SLC46A1: variants seen among roughly 807,000 people sequenced by gnomAD.
The protein encoded by SLC46A1 is solute carrier family 46 member 1.
In SLC46A1, 17 loss-of-function variants were observed where a neutral mutation model predicts 32.1. That is an observed-to-expected ratio of 0.53 (90% CI 0.36 to 0.79). The LOEUF (loss-of-function observed/expected upper bound fraction) is 0.79. Among genes scored for constraint, SLC46A1 ranks in the 30% least tolerant of loss-of-function variants. The pLI is 0.00. For missense variants in SLC46A1, 517 were observed against 588.2 expected, an observed-to-expected ratio of 0.88 and a Z score of 1.25; for synonymous variants, 240 against 262.7, an observed-to-expected ratio of 0.91 and a Z score of 0.84.
upstream of SLC46A1, chr17:28,406,360 A>G (rs1318512952): frequency 1.5e-5 from 6 of 402,770 alleles, no homozygotes; most frequent in Non-Finnish European, 2.6e-5. This position sits in a 1 kb window ranked among gnomAD's most constrained non-coding sequence, Gnocchi z 4.5. Flanking sequence ...CCTCACCTGT[A>G]AAGTGTGCGT....
chr17:28,403,219 T>C (rs908221718), intron 2 of SLC46A1: 3 of 152,252 alleles, frequency 2.0e-5, no homozygotes. Flanking sequence ...GTTTCTGTTG[T>C]GTTAAGCCCC....
Position 28,395,876 on chromosome 17 carries a change from T to C in SLC46A1, c.*3780A>G. ...AAGGGTCCCTAGATGGGTACAGGGG[T>C]ATCTTCCTCCTTTCCTTTCTTTCTC... On this transcript the variant is annotated 3_prime_UTR_variant, in exon 5 of 5. Coordinates refer to ENST00000612814, the MANE Select transcript of SLC46A1 (RefSeq NM_080669.6). 9 of 1,611,894 alleles carry C rather than the reference T, an allele frequency of 5.6e-6. No homozygotes were observed. Among genetic ancestry groups the C allele is most frequent in the Non-Finnish European group, 7.6e-6 (9 of 1,179,754 alleles).
In SLC46A1 at chr17:28,396,056, G is replaced by A. The variant is rs782746104; in HGVS notation, c.*3600C>T. On this transcript the variant is annotated 3_prime_UTR_variant, in exon 5 of 5. Transcript: ENST00000612814. Reference sequence around the variant, plus strand: ...GCCCCAGGGCCCTGGGACCAGGGGGGTAGGGTACAAATCACCATGACAGGC... The same window carrying A: ...GCCCCAGGGCCCTGGGACCAGGGGGATAGGGTACAAATCACCATGACAGGC... 2.5e-6 allele frequency: 4 copies of A among 1,613,546 alleles called. No homozygotes were observed. Among genetic ancestry groups the A allele is most frequent in the South Asian group, 2.2e-5 (2 of 91,080 alleles).
intron 2 of SLC46A1, chr17:28,402,934 C>G (rs577666364): frequency 6.6e-6 from 1 of 152,226 alleles, no homozygotes; most frequent in South Asian, 2.1e-4. Context: ...CCCTAAATGC[C>G]GTCACACATA....
At position 28,402,382 on chromosome 17, in the gene SLC46A1, A is replaced by G. The variant is rs2068208219; in HGVS notation, c.1082-61T>C. ...CTGGGGAGAGGGGCGTCCAAGGGAA[A>G]GGCAGCAGAGCTCCTATCCATACCC... On this transcript the variant is annotated intron_variant, in intron 2 of 4. Transcript: ENST00000612814. 4 of 1,430,898 alleles carry G rather than the reference A, an allele frequency of 2.8e-6. No individual in the cohort carries two copies. The Admixed American group carries it at 7.4e-5, about 26-fold the overall frequency. The allele number at this position is 1,430,898 out of a possible 1,614,324, so 88.6% of individuals were successfully genotyped here.
intron 4 of SLC46A1, 163 bp from the exon 5 acceptor site, chr17:28,399,876 G>A: frequency 1.4e-6 from 1 of 695,798 alleles, no homozygotes; most frequent in Non-Finnish European, 2.5e-6. Context: ...CAATATCCAG[G>A]GACATGGCTC....
chr17:28,396,226 G>C lies in SLC46A1; in HGVS notation c.*3430C>G, dbSNP rs376014977. The C allele has an allele frequency of 1.9e-6, 3 of 1,613,978 alleles. No individual in the cohort carries two copies. Among genetic ancestry groups the C allele is most frequent in the Non-Finnish European group, 2.5e-6 (3 of 1,179,872 alleles). ...GCTTCCTGCAGGGCCGCTCCTCCCG[G>C]GACTCATCTGCAGGCTCTGACACCA... is the stretch of plus-strand genomic sequence containing the variant. On this transcript the variant is annotated 3_prime_UTR_variant, in exon 5 of 5. Coordinates refer to ENST00000612814, the MANE Select transcript of SLC46A1 (RefSeq NM_080669.6).
At chr17:28,402,806 A>G (rs2068212721) in intron 2 of SLC46A1, 1 of 154,214 alleles carries the variant, frequency 6.5e-6, no homozygotes, top group Non-Finnish European at 1.4e-5. Context: ...AATGGTGCCC[A>G]ATGGCATCAG....
chr17:28,399,482 G>A lies in SLC46A1; in HGVS notation c.*174C>T, dbSNP rs963191889. The A allele has an allele frequency of 3.1e-6, 2 of 637,842 alleles. No homozygotes were observed. The highest frequency in any genetic ancestry group is 3.8e-5 in the South Asian group (2 of 52,480). The allele number at this position is 637,842 out of a possible 1,614,324, so 39.5% of individuals were successfully genotyped here. A position where few individuals can be genotyped will look rare whatever the true frequency, so the allele number is the denominator to read the frequency against. ...ATTCTAGATCCTAGACAGAGGCTGG[G>A]TCAGCTGTGGATGGGGTGGTGCCTT... On this transcript the variant is annotated 3_prime_UTR_variant, in exon 5 of 5. Transcript: ENST00000612814.
chr17:28,402,239 C>G lies in SLC46A1; in HGVS notation c.1164G>C (p.Gln388His). The G allele has an allele frequency of 6.2e-7, 1 of 1,612,466 alleles. No homozygotes were observed. The highest frequency in any genetic ancestry group is 8.5e-7 in the Non-Finnish European group (1 of 1,179,240). The change falls in exon 3 of 5, where the codon CAG (glutamine) becomes CAC (histidine). Residue 388 changes from glutamine to histidine, a missense_variant and splice_region_variant. Physicochemically the swap from Gln to His is conservative, Grantham distance 24. Coordinates refer to ENST00000612814, the MANE Select transcript of SLC46A1 (RefSeq NM_080669.6). ...KLSKLVRETEQGALFSAVACV... is the reference protein window; with the variant it reads ...KLSKLVRETEHGALFSAVACV... ...ACACAGGTGGGTTCTGACACTCACC[C>G]TGCTCTGTCTCTCTCACCAGCTTGG...
At chr17:28,401,198 G>T in intron 3 of SLC46A1, 1 of 204,188 alleles carries the variant, frequency 4.9e-6, no homozygotes, top group Non-Finnish European at 1.0e-5. Context: ...TTATCCTTTG[G>T]GTTCCTGTTC....
chr17:28,398,516 CT>C lies in SLC46A1; in HGVS notation c.*1139del, dbSNP rs1473446837. 1 of 152,462 alleles carries C rather than the reference CT, an allele frequency of 6.6e-6. No homozygotes were observed. The highest frequency in any genetic ancestry group is 6.5e-5 in the Admixed American group (1 of 15,296). 9.4% of individuals were successfully genotyped at this position (152,462 alleles called of 1,614,324 possible). Reference sequence around the variant, plus strand: ...CTGAGACAGAGGACTCAGAAGTGGCCTTTCCTCCAAAGCCTGCTCAGACACA... The same window carrying C: ...CTGAGACAGAGGACTCAGAAGTGGCCTTCCTCCAAAGCCTGCTCAGACACA... On this transcript the variant is annotated 3_prime_UTR_variant, in exon 5 of 5. Transcript: ENST00000612814.
In SLC46A1 at chr17:28,399,627, C is replaced by G. The variant is rs782535733; in HGVS notation, c.*29G>C. 1 of 1,613,586 alleles carries G rather than the reference C, an allele frequency of 6.2e-7. No homozygotes were observed. Among genetic ancestry groups the G allele is most frequent in the South Asian group, 1.1e-5 (1 of 91,050 alleles). ...GTTGCTTGGTGTTCACTTTGCTCCT[C>G]TTGCCCTCTGTCTTCTGGTCCAGGC... is the stretch of plus-strand genomic sequence containing the variant. On this transcript the variant is annotated 3_prime_UTR_variant, in exon 5 of 5. Coordinates refer to ENST00000612814, the MANE Select transcript of SLC46A1 (RefSeq NM_080669.6).
chr17:28,400,829 C>T, intron 3 of SLC46A1, 63 bp from the exon 4 acceptor site: 1 of 1,448,166 alleles, frequency 6.9e-7, no homozygotes, highest in South Asian at 1.2e-5. Context: ...TCTGGCACCA[C>T]CACCTCACAG....
At chr17:28,402,842 A>C (rs553725496) in intron 2 of SLC46A1, 8 of 153,070 alleles carry the variant, frequency 5.2e-5, no homozygotes, top group African/African-American at 1.9e-4. Context: ...ACCTGTAAAT[A>C]CTACCTTATT....
Position 28,404,697 on chromosome 17 carries a change from C to T in SLC46A1, c.1000G>A (p.Val334Ile). Residue 334 changes from valine (V) to isoleucine (I), a missense_variant, in exon 2 of 5, where the codon GTA (valine) becomes ATA (isoleucine). By Grantham distance (29) the Val-to-Ile change is conservative. Coordinates refer to ENST00000612814, the MANE Select transcript of SLC46A1 (RefSeq NM_080669.6). ...TTGAAGGCCAGGCCGATCTCAGCTA[C>T]CCAGGCATCGGCCAGGCAGTACTGC... ...LLQYCLADAWVAEIGLAFNIL... is the reference protein window; with the variant it reads ...LLQYCLADAWIAEIGLAFNIL... 1 of 1,613,950 alleles carries T rather than the reference C, an allele frequency of 6.2e-7. No individual in the cohort carries two copies. The highest frequency in any genetic ancestry group is 8.5e-7 in the Non-Finnish European group (1 of 1,179,834).
At position 28,405,404 on chromosome 17, in the gene SLC46A1, A is replaced by C. The variant is rs1555591007; in HGVS notation, c.293T>G (p.Leu98Arg). The C allele has an allele frequency of 1.3e-6, 2 of 1,588,530 alleles. No homozygotes were observed. Among genetic ancestry groups the C allele is most frequent in the Non-Finnish European group, 1.7e-6 (2 of 1,168,174 alleles). Reference protein sequence around the residue: ...YMNVGGFLVGLFSSTLLGAWS... With the variant: ...YMNVGGFLVGRFSSTLLGAWS... ...AGCTCCCAGCAGGGTGGACGAGAAG[A>C]GCCCCACCAGGAAGCCGCCCACGTT... is the stretch of plus-strand genomic sequence containing the variant. The change falls in exon 2 of 5, where the codon CTC becomes CGC. Residue 98 changes from leucine to arginine, a missense_variant. Transcript: ENST00000612814.
intron 3 of SLC46A1, chr17:28,401,932 C>A: frequency 4.5e-6 from 1 of 224,088 alleles, no homozygotes; most frequent in Non-Finnish European, 8.8e-6. Context: ...CTGGCATCAC[C>A]ACACCCATCT....
intron 3 of SLC46A1, 137 bp downstream of exon 3, chr17:28,402,101 G>A: frequency 1.5e-6 from 1 of 682,110 alleles, no homozygotes. Flanking sequence ...TCACAGAAAT[G>A]TGTTTGTTTT....
Sources: allele counts gnomAD v4.1 joint callset, GRCh38; gene constraint gnomAD v4.1.1; non-coding constraint Gnocchi (gnomAD v3.1); transcripts MANE v1.5; gene names NCBI Gene and HGNC (gene_info 2026-07-23, HGNC 2026-07-21).